ABHD6: variants seen among roughly 807,000 people sequenced by gnomAD.
ABHD6 encodes abhydrolase domain containing 6, acylglycerol lipase.
In ABHD6, 33 loss-of-function variants were observed where a neutral mutation model predicts 38.8. The ratio of observed to expected loss-of-function variants is 0.85; its 90% confidence interval spans 0.64 to 1.14. The LOEUF is 1.14. ABHD6 is among the 50% of genes most tolerant of loss of function. The probability of loss-of-function intolerance (pLI) is 0.00; values close to 1 mark genes in which losing one functional copy is unlikely to be tolerated. For missense variants in ABHD6, 380 were observed against 422.6 expected (o/e 0.90, Z 0.88); for synonymous variants, 147 against 161.6 (o/e 0.91, Z 0.69).
intron 1 of ABHD6, among the ~76,000 whole-genome samples, chr3:58,244,914 T>C (rs1341580683): frequency 6.6e-6 from 1 of 152,196 alleles, no homozygotes; most frequent in Non-Finnish European, 1.5e-5. Flanking sequence ...AAATTCTGAG[T>C]GTGGCTTTAC....
At position 58,238,916 on chromosome 3, in the gene ABHD6, T is replaced by C. The variant is rs2097420955; in HGVS notation, c.-91+1000T>C. 6.6e-6 allele frequency among the ~76,000 whole-genome samples: 1 copy of C among 152,058 alleles called. No individual in the cohort carries two copies. Among genetic ancestry groups the C allele is most frequent in the Non-Finnish European group, 1.5e-5 (1 of 68,012 alleles). ...AAAGTAGTTTATAATGAATAATAGC[T>C]GACATAGAATAAGCAAATCTTGTGT... is the stretch of plus-strand genomic sequence containing the variant. On this transcript the variant is annotated intron_variant, in intron 1 of 9. Coordinates refer to ENST00000478253, the MANE Select transcript of ABHD6 (RefSeq NM_001320126.2). This position sits in a 1 kb window ranked among gnomAD's most constrained non-coding sequence, Gnocchi z 6.9.
At position 58,267,996 on chromosome 3, in the gene ABHD6, C is replaced by T. The variant is rs980568998; in HGVS notation, c.276+651C>T. Among the ~76,000 whole-genome samples, 2 of 152,204 alleles carry T rather than the reference C, an allele frequency of 1.3e-5. No individual in the cohort carries two copies. The highest frequency in any genetic ancestry group is 2.9e-5 in the Non-Finnish European group (2 of 68,034). ...GCTGAGATGGGAGAATCACCTGAGC[C>T]TGGGAAGTCAAGGCTGCAGTGAACC... is the stretch of plus-strand genomic sequence containing the variant. On this transcript the variant is annotated intron_variant, in intron 4 of 9. Transcript: ENST00000478253. This position sits in a 1 kb window ranked among gnomAD's most constrained non-coding sequence, Gnocchi z 4.3.
In ABHD6 at chr3:58,285,025, T is replaced by C. The variant is rs1362264668; in HGVS notation, c.682-60T>C. ...ATTCCCATTCATTGTCCCAGAGCTG[T>C]GAGAGGCCTGAGGAAATGAATCTTC... On this transcript the variant is annotated intron_variant, in intron 7 of 9. Transcript: ENST00000478253. The surrounding 1 kb of genome is among the most constrained non-coding windows in gnomAD (Gnocchi z 4.9). 8.0e-6 allele frequency: 12 copies of C among 1,508,746 alleles called. No individual in the cohort carries two copies. The highest frequency in any genetic ancestry group is 1.7e-5 in the Admixed American group (1 of 59,860). The allele number at this position is 1,508,746 out of a possible 1,614,324, so 93.5% of individuals were successfully genotyped here.
chr3:58,267,540 C>T lies in ABHD6; in HGVS notation c.276+195C>T, dbSNP rs1477676401. On this transcript the variant is annotated intron_variant, in intron 4 of 9. Coordinates refer to ENST00000478253, the MANE Select transcript of ABHD6 (RefSeq NM_001320126.2). This position sits in a 1 kb window ranked among gnomAD's most constrained non-coding sequence, Gnocchi z 4.3. ...ATTAGCCAGGTGTGGTGGTGCATGC[C>T]TGTAGTCCTGGCTACTCAGGAGACT... 6.6e-6 allele frequency among the ~76,000 whole-genome samples: 1 copy of T among 152,032 alleles called. No individual in the cohort carries two copies. Among genetic ancestry groups the T allele is most frequent in the African/African-American group, 2.4e-5 (1 of 41,386 alleles).
chr3:58,250,373 G>A (rs1559771196), intron 2 of ABHD6, among the ~76,000 whole-genome samples: 1 of 152,148 alleles, frequency 6.6e-6, no homozygotes. Context: ...TGGTTATTTG[G>A]AGTGCAGGCA....
intron 4 of ABHD6, among the ~76,000 whole-genome samples, chr3:58,268,608 C>T (rs752092478): frequency 2.0e-5 from 3 of 152,302 alleles, no homozygotes; most frequent in Middle Eastern, 3.4e-3. Context: ...GGTGAAGACT[C>T]ACACACCCTC....
intron 3 of ABHD6, among the ~76,000 whole-genome samples, chr3:58,258,221 C>T (rs1018566927): frequency 1.3e-5 from 2 of 152,096 alleles, no homozygotes; most frequent in Admixed American, 6.6e-5. Flanking sequence ...GCAGGAGAAT[C>T]GCCTGATCCT....
At chr3:58,275,433 G>T (rs946302870) in intron 7 of ABHD6, among the ~76,000 whole-genome samples, 2 of 149,828 alleles carry the variant, frequency 1.3e-5, no homozygotes, top group African/African-American at 4.9e-5. Flanking sequence ...AGGTTCAAGC[G>T]ATTCTTCTGC....
chr3:58,273,231 T>C lies in ABHD6; in HGVS notation c.524-1427T>C, dbSNP rs962811919. ...GGTTTCTGCATCACGACCAATATTA[T>C]TGATGCTACTGCCTTTCATTATAAA... On this transcript the variant is annotated intron_variant, in intron 6 of 9. Transcript: ENST00000478253. The surrounding 1 kb of genome is among the most constrained non-coding windows in gnomAD (Gnocchi z 4.8). Among the ~76,000 whole-genome samples the C allele has an allele frequency of 2.6e-5, 4 of 152,080 alleles. No individual in the cohort carries two copies.
rs142464079 is a variant in ABHD6, at chr3:58,262,815, A to T, written c.120-4374A>T. On this transcript the variant is annotated intron_variant, in intron 3 of 9. Transcript: ENST00000478253. ...CTGGGCATGGTGGCTCACGCCTGTA[A>T]TCCCAACACTTTGGGAGGCTGAGGG... Among the ~76,000 whole-genome samples the T allele has an allele frequency of 2.0e-3, 300 of 152,274 alleles. 3 individuals carry two copies. The highest frequency in any genetic ancestry group is 6.5e-3 in the African/African-American group (269 of 41,550).
chr3:58,253,311 G>A (rs2107430530), intron 2 of ABHD6, among the ~76,000 whole-genome samples: 1 of 152,220 alleles, frequency 6.6e-6, no homozygotes, highest in South Asian at 2.1e-4. Context: ...AATTTACAGT[G>A]GCCCCCAGCA....
rs530339134 is a variant in ABHD6, at chr3:58,258,582, G to A, written c.119+1877G>A. 10 of 281,192 alleles carry A rather than the reference G, an allele frequency of 3.6e-5. No individual in the cohort carries two copies. In the East Asian group the frequency reaches 9.9e-4, roughly 28 times the overall value. The allele number at this position is 281,192 out of a possible 1,614,324, so 17.4% of individuals were successfully genotyped here. Reference sequence around the variant, plus strand: ...ACCCCCATGGTGTACATCCCCTGATGAAGGGAGCATCGAAATAGACCTGGT... The same window carrying A: ...ACCCCCATGGTGTACATCCCCTGATAAAGGGAGCATCGAAATAGACCTGGT... On this transcript the variant is annotated intron_variant, in intron 3 of 9. Transcript: ENST00000478253.
In ABHD6 at chr3:58,283,811, A is replaced by T. The variant is rs573830836; in HGVS notation, c.682-1274A>T. ...TTGAGCAGAGGTGGAGGATGGATGG[A>T]CACAAGATGAATAGATATGTGGGTA... On this transcript the variant is annotated intron_variant, in intron 7 of 9. Coordinates refer to ENST00000478253, the MANE Select transcript of ABHD6 (RefSeq NM_001320126.2). Among the ~76,000 whole-genome samples the T allele has an allele frequency of 7.2e-5, 11 of 152,332 alleles. No homozygotes were observed. The South Asian group carries it at 2.3e-3, about 32-fold the overall frequency.
intron 1 of ABHD6, among the ~76,000 whole-genome samples, chr3:58,246,467 T>G (rs2097426481): frequency 6.6e-6 from 1 of 152,218 alleles, no homozygotes; most frequent in African/African-American, 2.4e-5. Context: ...TGCCTGTCAC[T>G]TCTCTAGAGA....
At chr3:58,281,303 C>G (rs2097453021) in intron 7 of ABHD6, among the ~76,000 whole-genome samples, 1 of 152,218 alleles carries the variant, frequency 6.6e-6, no homozygotes, top group Non-Finnish European at 1.5e-5. Context: ...TCAGCAATGG[C>G]AGACGCCCCT....
At chr3:58,280,759 C>A (rs13075910) in intron 7 of ABHD6, among the ~76,000 whole-genome samples, 1 of 152,096 alleles carries the variant, frequency 6.6e-6, no homozygotes, top group Non-Finnish European at 1.5e-5. Flanking sequence ...ATGTTGGTGA[C>A]CTACAGATGG....
At chr3:58,288,304 G>A (rs191710526) in intron 9 of ABHD6, among the ~76,000 whole-genome samples, 64 of 152,302 alleles carry the variant, frequency 4.2e-4, no homozygotes, top group Non-Finnish European at 7.9e-4. Flanking sequence ...CTGCTATACT[G>A]CACAGCTGCA....
At chr3:58,292,000 T>G (rs2097463458) in intron 9 of ABHD6, among the ~76,000 whole-genome samples, 1 of 152,198 alleles carries the variant, frequency 6.6e-6, no homozygotes, top group Non-Finnish European at 1.5e-5. Flanking sequence ...TTTCATGCTG[T>G]TTTCACCTAT....
chr3:58,241,640 G>A (rs2097422892), intron 1 of ABHD6, among the ~76,000 whole-genome samples: 1 of 152,180 alleles, frequency 6.6e-6, no homozygotes, highest in Admixed American at 6.5e-5. Flanking sequence ...TACATATGAT[G>A]AAGTCTGGGG....
Sources: gnomAD v4.1 joint callset for allele counts (sites outside exome capture counted in the v4.1 genomes callset) on GRCh38, gnomAD v4.1.1 for gene constraint, Gnocchi (gnomAD v3.1) non-coding constraint, MANE v1.5 for transcripts, NCBI Gene and HGNC (gene_info 2026-07-23, HGNC 2026-07-21) for gene names.